SULF2: variants seen among roughly 807,000 people sequenced by gnomAD.
SULF2 encodes extracellular sulfatase Sulf-2.
A neutral mutation model predicts 107.7 loss-of-function variants in SULF2; 52 were observed. That is an observed-to-expected ratio of 0.48 (90% CI 0.39 to 0.61). The LOEUF (loss-of-function observed/expected upper bound fraction) is 0.61, where lower values mean the gene tolerates loss of function less well. Among genes scored for constraint, SULF2 ranks in the 20% least tolerant of loss-of-function variants. The probability of loss-of-function intolerance (pLI) is 0.00; values close to 1 mark genes in which losing one functional copy is unlikely to be tolerated. For missense variants in SULF2, 993 were observed against 1,177.3 expected (o/e 0.84, Z 2.29); for synonymous variants, 460 against 464.3 (o/e 0.99, Z 0.12).
intron 7 of SULF2, among the ~76,000 whole-genome samples, chr20:47,681,424 C>G (rs2087819246): frequency 6.6e-6 from 1 of 152,090 alleles, no homozygotes; most frequent in Non-Finnish European, 1.5e-5. Context: ...TGAGTCAGAT[C>G]ACAGATTCCG....
rs879118188 is a variant in SULF2, at chr20:47,657,785, T to G, written c.*577A>C. The G allele has an allele frequency of 6.5e-6, 1 of 154,238 alleles. No individual in the cohort carries two copies. The highest frequency in any genetic ancestry group is 1.9e-4 in the East Asian group (1 of 5,268). The allele number at this position is 154,238 out of a possible 1,614,324, so 9.6% of individuals were successfully genotyped here. A position where few individuals can be genotyped will look rare whatever the true frequency, so the allele number is the denominator to read the frequency against. ...GATTACATGTAAATAGTCACATATA[T>G]ACAATGAAGGCAGTTTCTTCAGAGG... On this transcript the variant is annotated 3_prime_UTR_variant, in exon 21 of 21. Coordinates refer to ENST00000688720, the MANE Select transcript of SULF2 (RefSeq NM_001387048.1).
Position 47,758,802 on chromosome 20 carries a change from G to A in SULF2, c.-100-1339C>T, listed in dbSNP as rs368749252. Among the ~76,000 whole-genome samples, 61 of 152,350 alleles carry A rather than the reference G, an allele frequency of 4.0e-4. No individual in the cohort carries two copies. In the South Asian group the frequency reaches 0.012, roughly 31 times the overall value. The stretch of plus-strand genomic sequence containing the variant: ...CGAGAGAGCCACAGCCTGCAGATGT[G>A]CCGGGAGGAAGCCAAGTGCTGTGGG... On this transcript the variant is annotated intron_variant, in intron 1 of 20. Transcript: ENST00000688720.
chr20:47,751,840 T>C (rs1292585967), intron 2 of SULF2, among the ~76,000 whole-genome samples: 2 of 152,244 alleles, frequency 1.3e-5, no homozygotes, highest in Admixed American at 1.3e-4. Flanking sequence ...CTGGTTCCCA[T>C]GGCACTTTTG....
At chr20:47,754,868 T>C (rs6063148) in intron 2 of SULF2, among the ~76,000 whole-genome samples, 35,790 of 152,136 alleles carry the variant, frequency 0.24, 4,676 homozygotes, top group East Asian at 0.44. Flanking sequence ...TGGGGTTTTG[T>C]TCTATTGCCC....
At chr20:47,681,018 T>C (rs2087807821) in intron 7 of SULF2, among the ~76,000 whole-genome samples, 1 of 152,178 alleles carries the variant, frequency 6.6e-6, no homozygotes, top group Non-Finnish European at 1.5e-5. Context: ...GTCAGGCCAG[T>C]GGGAGTCAGC....
chr20:47,784,941 C>A (rs1456353760), intron 1 of SULF2, among the ~76,000 whole-genome samples: 1 of 152,184 alleles, frequency 6.6e-6, no homozygotes, highest in Non-Finnish European at 1.5e-5. Context: ...CCCACGTGGG[C>A]TGGCATCTAC....
intron 16 of SULF2, 118 bp downstream of exon 16, chr20:47,663,335 C>T (rs2087149328): frequency 6.4e-7 from 1 of 1,572,668 alleles, no homozygotes; most frequent in Non-Finnish European, 8.7e-7. Context: ...CTGTCCCGAG[C>T]ACCGTGGACC....
intron 1 of SULF2, among the ~76,000 whole-genome samples, chr20:47,759,788 C>A (rs2090378299): frequency 6.6e-6 from 1 of 152,352 alleles, no homozygotes; most frequent in South Asian, 2.1e-4. Context: ...CTGCCCTGGC[C>A]ACCCTATTTA....
At chr20:47,760,444 G>A (rs1236140145) in intron 1 of SULF2, among the ~76,000 whole-genome samples, 1 of 151,858 alleles carries the variant, frequency 6.6e-6, no homozygotes, top group Non-Finnish European at 1.5e-5. Flanking sequence ...CGTCTCCCCA[G>A]TTCTGAGTTC....
At chr20:47,782,962 G>GGT (rs1189438197) in intron 1 of SULF2, among the ~76,000 whole-genome samples, 1 of 152,190 alleles carries the variant, frequency 6.6e-6, no homozygotes, top group East Asian at 1.9e-4. Flanking sequence ...AGAGTCCAGT[G>GGT]GTTCCAAGTG....
chr20:47,659,053 C>A (rs2086983731), intron 20 of SULF2, among the ~76,000 whole-genome samples: 1 of 152,164 alleles, frequency 6.6e-6, no homozygotes, highest in South Asian at 2.1e-4. Context: ...TGAGGCCATC[C>A]TACTACTGAT....
intron 2 of SULF2, among the ~76,000 whole-genome samples, chr20:47,743,145 G>A (rs6090725): frequency 0.23 from 34,299 of 151,758 alleles, 4,695 homozygotes; most frequent in African/African-American, 0.39. Flanking sequence ...GTCTGTGATG[G>A]CAGGGCCTCC....
chr20:47,783,954 C>A (rs1176594035), intron 1 of SULF2, among the ~76,000 whole-genome samples: 2 of 152,228 alleles, frequency 1.3e-5, no homozygotes, highest in African/African-American at 2.4e-5. Flanking sequence ...CTCCCTACCC[C>A]GTTCCTATAC....
chr20:47,702,477 G>A, intron 4 of SULF2, 42 bp downstream of exon 4: 1 of 1,597,256 alleles, frequency 6.3e-7, no homozygotes, highest in South Asian at 1.1e-5. Context: ...TCTAACTGCT[G>A]GGCCACACAG....
intron 2 of SULF2, among the ~76,000 whole-genome samples, chr20:47,744,294 T>C (rs561649609): frequency 2.4e-4 from 36 of 152,302 alleles, no homozygotes; most frequent in Non-Finnish European, 3.2e-4. Flanking sequence ...GCGATTCTCC[T>C]GCCTCAGCCT....
At position 47,680,636 on chromosome 20, in the gene SULF2, T is replaced by C. The variant is rs984734218; in HGVS notation, c.1065-1832A>G. Among the ~76,000 whole-genome samples, 4 of 152,162 alleles carry C rather than the reference T, an allele frequency of 2.6e-5. No homozygotes were observed. Among genetic ancestry groups the C allele is most frequent in the African/African-American group, 9.7e-5 (4 of 41,448 alleles). On this transcript the variant is annotated intron_variant, in intron 7 of 20. Transcript: ENST00000688720. This position sits in a 1 kb window ranked among gnomAD's most constrained non-coding sequence, Gnocchi z 4.2. ...TGAACGTCGGGCAGGCTGCCAAGCA[T>C]GTGTGCAGCTGCTGAAGATGGGGCT...
chr20:47,683,050 C>A lies in SULF2; in HGVS notation c.1008G>T (p.Glu336Asp), dbSNP rs2087880647. 9.3e-6 allele frequency: 15 copies of A among 1,613,520 alleles called. No individual in the cohort carries two copies. Among genetic ancestry groups the A allele is most frequent in the Non-Finnish European group, 1.3e-5 (15 of 1,179,888 alleles). Reference protein sequence around the residue: ...GLVKGKSMPYEFDIRVPFYVR... With the variant: ...GLVKGKSMPYDFDIRVPFYVR... Reference sequence around the variant, plus strand: ...CGTAGAACGGGACCCTGATGTCAAACTCATATGGCATGGATTTCCCTTTCA... The same window carrying A: ...CGTAGAACGGGACCCTGATGTCAAAATCATATGGCATGGATTTCCCTTTCA... Residue 336 changes from glutamate (E) to aspartate (D), a missense_variant, in exon 7 of 21, where the codon GAG becomes GAT. Around this residue, in one of 3 missense-constraint regions of SULF2, gnomAD observed 108 missense variants for 183.9 expected, o/e 0.59. Coordinates refer to ENST00000688720, the MANE Select transcript of SULF2 (RefSeq NM_001387048.1).
At chr20:47,684,783 G>C (rs756728475) in intron 5 of SULF2, 6 of 514,972 alleles carry the variant, frequency 1.2e-5, no homozygotes, top group Admixed American at 3.9e-5. Flanking sequence ...CACGTGTGAA[G>C]TGTGCACTTG....
At position 47,665,392 on chromosome 20, in the gene SULF2, C is replaced by T; in HGVS notation, c.1903-99G>A. The stretch of plus-strand genomic sequence containing the variant: ...CCCACGCTGCCGTGTCTGTGCTCAG[C>T]AGCGGCAGCCTGCACTCCCCGGGCC... On this transcript the variant is annotated intron_variant, in intron 13 of 20. Coordinates refer to ENST00000688720, the MANE Select transcript of SULF2 (RefSeq NM_001387048.1). 1.4e-5 allele frequency: 12 copies of T among 838,090 alleles called. No individual in the cohort carries two copies. In the South Asian group the frequency reaches 1.7e-4, roughly 12 times the overall value. 51.9% of individuals were successfully genotyped at this position (838,090 alleles called of 1,614,324 possible). A position where few individuals can be genotyped will look rare whatever the true frequency, so the allele number is the denominator to read the frequency against.
Sources: gnomAD v4.1 joint callset for allele counts (sites outside exome capture counted in the v4.1 genomes callset) on GRCh38, gnomAD v4.1.1 for gene constraint, gnomAD v4.1.1 regional missense constraint, Gnocchi (gnomAD v3.1) non-coding constraint, MANE v1.5 for transcripts, NCBI Gene and HGNC (gene_info 2026-07-23, HGNC 2026-07-21) for gene names.